The following SLC24A5 variants were observed in gnomAD, a reference collection of about 807,000 sequenced individuals.
SLC24A5 encodes solute carrier family 24 member 5, also known as sodium/potassium/calcium exchanger 5.
A neutral mutation model predicts 51.6 loss-of-function variants in SLC24A5; 46 were observed. The observed-to-expected ratio is 0.89, with a 90% CI of 0.70 to 1.14. The LOEUF is 1.14. Ranked by LOEUF, SLC24A5 falls within the 50% of genes most tolerant of loss-of-function variation. The probability of loss-of-function intolerance (pLI) is 0.00; values close to 1 mark genes in which losing one functional copy is unlikely to be tolerated. For synonymous variants in SLC24A5, 230 were observed against 214.9 expected (o/e 1.07, Z -0.62); for missense variants, 581 against 604.1 (o/e 0.96, Z 0.40).
rs927898093 is a variant in SLC24A5, at chr15:48,123,790, A to G, written c.301+1754A>G. On this transcript the variant is annotated intron_variant, in intron 2 of 8. Coordinates refer to ENST00000341459, the MANE Select transcript of SLC24A5 (RefSeq NM_205850.3). ...AAGGCATCCCACAAAAGGTGTGCCT[A>G]CTTATACCTCCTTAAGCATCCATTC... 12 of 152,144 alleles carry G rather than the reference A, an allele frequency of 7.9e-5. No homozygotes were observed. In the South Asian group the frequency reaches 2.5e-3, roughly 31 times the overall value. The allele number at this position is 152,144 out of a possible 1,614,324, so 9.4% of individuals were successfully genotyped here. A position where few individuals can be genotyped will look rare whatever the true frequency, so the allele number is the denominator to read the frequency against.
chr15:48,136,430 C>A, intron 5 of SLC24A5: 1 of 326,092 alleles, frequency 3.1e-6, no homozygotes. Flanking sequence ...AAGGAATCTA[C>A]AAGTAAAAAC....
intron 7 of SLC24A5, 104 bp downstream of exon 7, chr15:48,139,279 G>T: frequency 1.1e-6 from 1 of 932,854 alleles, no homozygotes. Context: ...TTTCTTTTCA[G>T]CAAGATTGAA....
intron 4 of SLC24A5, 70 bp from the exon 5 acceptor site, chr15:48,134,814 T>C: frequency 1.7e-6 from 2 of 1,173,162 alleles, no homozygotes. Context: ...TAAACAATTT[T>C]AGTATTATAC....
At chr15:48,121,261 G>T in intron 1 of SLC24A5, 96 bp downstream of exon 1, 1 of 1,325,088 alleles carries the variant, frequency 7.5e-7, no homozygotes, top group Non-Finnish European at 1.0e-6. Flanking sequence ...AATTCTCAAT[G>T]GGCTCACTTT....
At chr15:48,127,044 T>G (rs1024519177) in intron 2 of SLC24A5, among the ~76,000 whole-genome samples, 6 of 152,192 alleles carry the variant, frequency 3.9e-5, no homozygotes, top group Admixed American at 3.9e-4. Context: ...GTGCCCACCC[T>G]GGAGCCAGAT....
chr15:48,135,850 A>C (rs1286771858), intron 5 of SLC24A5: 1 of 152,100 alleles, frequency 6.6e-6, no homozygotes, highest in Non-Finnish European at 1.5e-5. Context: ...CCGTCTCCCT[A>C]AGACACTGTG....
intron 2 of SLC24A5, chr15:48,123,576 G>C (rs1004399468): frequency 1.5e-4 from 23 of 152,060 alleles, no homozygotes; most frequent in African/African-American, 5.3e-4. Context: ...TTTACACATA[G>C]TAGGCACCCA....
Position 48,142,491 on chromosome 15 carries a change from C to A in SLC24A5, c.*140C>A. 1.6e-6 allele frequency: 1 copy of A among 619,316 alleles called. No individual in the cohort carries two copies. Among genetic ancestry groups the A allele is most frequent in the Non-Finnish European group, 2.5e-6 (1 of 396,346 alleles). 38.4% of individuals were successfully genotyped at this position (619,316 alleles called of 1,614,324 possible). ...ACAGTAATTTAAAACCAACCAAAAT[C>A]ACATCCTAATTTTTCTGAGCCCTTT... On this transcript the variant is annotated 3_prime_UTR_variant, in exon 9 of 9. Coordinates refer to ENST00000341459, the MANE Select transcript of SLC24A5 (RefSeq NM_205850.3).
intron 2 of SLC24A5, chr15:48,122,955 C>G (rs2038695130): frequency 1.3e-5 from 2 of 152,204 alleles, no homozygotes; most frequent in African/African-American, 4.8e-5. Flanking sequence ...GCCCCCGACA[C>G]ACACACATTG....
At chr15:48,132,308 C>T (rs1236536960) in intron 2 of SLC24A5, among the ~76,000 whole-genome samples, 1 of 152,092 alleles carries the variant, frequency 6.6e-6, no homozygotes, top group Non-Finnish European at 1.5e-5. Flanking sequence ...AAATTTCAAT[C>T]CTTCCTCTCT....
Position 48,139,521 on chromosome 15 carries a change from T to TAA in SLC24A5, c.1078+357_1078+358dup, listed in dbSNP as rs397960204. ...CTTTATATTGAATTCCATTCCATAA[T>TAA]AAAAAAAAAAAAGAACAAAAAAACA... On this transcript the variant is annotated intron_variant, in intron 7 of 8. Coordinates refer to ENST00000341459, the MANE Select transcript of SLC24A5 (RefSeq NM_205850.3). 5.6e-3 allele frequency: 814 copies of TAA among 144,176 alleles called. 4 individuals are homozygous for TAA. The highest frequency in any genetic ancestry group is 0.019 in the African/African-American group (748 of 38,970). The allele number at this position is 144,176 out of a possible 1,614,324, so 8.9% of individuals were successfully genotyped here. A position where few individuals can be genotyped will look rare whatever the true frequency, so the allele number is the denominator to read the frequency against.
At position 48,136,793 on chromosome 15, in the gene SLC24A5, G is replaced by C. The variant is rs1380079515; in HGVS notation, c.701G>C (p.Cys234Ser). ...IIKKCSPCCA[C>S]LAKAMERSEQ... ...AAGAAATGCAGTCCTTGCTGCGCCT[G>C]TCTTGCCAAAGCTATGGAGAGAAGT... is the stretch of plus-strand genomic sequence containing the variant. Residue 234 changes from cysteine to serine, a missense_variant, in exon 6 of 9, where the codon TGT becomes TCT. Coordinates refer to ENST00000341459, the MANE Select transcript of SLC24A5 (RefSeq NM_205850.3). 4 of 1,613,724 alleles carry C rather than the reference G, an allele frequency of 2.5e-6. No homozygotes were observed. Among genetic ancestry groups the C allele is most frequent in the Non-Finnish European group, 3.4e-6 (4 of 1,179,860 alleles).
chr15:48,139,329 C>A (rs1400815832), intron 7 of SLC24A5, 154 bp downstream of exon 7: 2 of 584,222 alleles, frequency 3.4e-6, no homozygotes, highest in African/African-American at 1.9e-5. Flanking sequence ...ATTACTATAA[C>A]AAGATCACTG....
chr15:48,135,058 A>G (rs1270149673), intron 5 of SLC24A5, 74 bp downstream of exon 5: 5 of 1,205,652 alleles, frequency 4.1e-6, no homozygotes, highest in Non-Finnish European at 6.0e-6. Context: ...ATTTTTTTTC[A>G]GAAATGTTAT....
chr15:48,131,464 T>A (rs2038789344), intron 2 of SLC24A5, among the ~76,000 whole-genome samples: 1 of 151,628 alleles, frequency 6.6e-6, no homozygotes, highest in South Asian at 2.1e-4. Context: ...AGGGGGTGAG[T>A]TCTCTCTCTT....
At chr15:48,126,277 C>T (rs915651326) in intron 2 of SLC24A5, among the ~76,000 whole-genome samples, 2 of 152,150 alleles carry the variant, frequency 1.3e-5, no homozygotes, top group African/African-American at 4.8e-5. Flanking sequence ...GACACTTTAC[C>T]ACCATCTTAA....
intron 7 of SLC24A5, chr15:48,140,298 C>T (rs932353493): frequency 2.6e-5 from 4 of 151,428 alleles, no homozygotes; most frequent in Non-Finnish European, 4.4e-5. Flanking sequence ...AATTAACAAC[C>T]AATTCCAATT....
chr15:48,121,617 C>A (rs2038680122), intron 1 of SLC24A5, among the ~76,000 whole-genome samples: 1 of 152,202 alleles, frequency 6.6e-6, no homozygotes. Flanking sequence ...ATGATTTCCT[C>A]TTTTTAATTC....
intron 2 of SLC24A5, chr15:48,123,538 T>C (rs1371102466): frequency 6.6e-6 from 1 of 152,216 alleles, no homozygotes; most frequent in African/African-American, 2.4e-5. Flanking sequence ...CATGATTCTA[T>C]AAATGATTTG....
Sources: allele counts gnomAD v4.1 joint callset (sites outside exome capture counted in the v4.1 genomes callset), GRCh38; gene constraint gnomAD v4.1.1; transcripts MANE v1.5; gene names NCBI Gene and HGNC (gene_info 2026-07-23, HGNC 2026-07-21).